The following FAM13C variants were observed in gnomAD, a reference collection of about 807,000 sequenced individuals.
The protein encoded by FAM13C is protein FAM13C.
A neutral mutation model predicts 73.2 loss-of-function variants in FAM13C; 37 were observed. The ratio of observed to expected loss-of-function variants is 0.51; its 90% confidence interval spans 0.39 to 0.67. FAM13C has a LOEUF of 0.67. Ranked by LOEUF, FAM13C falls within the 30% of genes least tolerant of loss-of-function variation. The pLI is 0.00. For missense variants in FAM13C, 589 were observed against 715.6 expected (o/e 0.82, Z 2.02); for synonymous variants, 246 against 260.9 (o/e 0.94, Z 0.55).
rs1418314118 is a variant in FAM13C at position 59,338,542 on chromosome 10, T to C, written c.324+13728A>G. Among the ~76,000 whole-genome samples, 19 of 152,342 alleles carry C rather than the reference T, an allele frequency of 1.2e-4. No homozygotes were observed. The East Asian group carries it at 3.7e-3, about 29-fold the overall frequency. The stretch of plus-strand genomic sequence containing the variant: ...CATCCTGCACAAAGCGTCAACTACA[T>C]TTATGATTTTGAGAAAGTCAGGCCG... On this transcript the variant is annotated intron_variant, in intron 3 of 13. Transcript: ENST00000618804.
rs74150877 is a variant in FAM13C at position 59,356,541 on chromosome 10, C to T, written c.63-598G>A. ...TTCGCTCTAGTATATAGGATGAAGC[C>T]TTTGTTCCTGTTCCCAACCATTCCC... On this transcript the variant is annotated intron_variant, in intron 1 of 13. Transcript: ENST00000618804. 3.7e-3 allele frequency among the ~76,000 whole-genome samples: 556 copies of T among 152,198 alleles called. 3 individuals carry two copies. The highest frequency in any genetic ancestry group is 0.012 in the African/African-American group (511 of 41,494).
In FAM13C at chr10:59,283,423, C is replaced by T. The variant is rs752489782; in HGVS notation, c.532G>A (p.Val178Ile). The T allele has an allele frequency of 1.1e-5, 17 of 1,614,106 alleles. No individual in the cohort carries two copies. The highest frequency in any genetic ancestry group is 1.3e-5 in the African/African-American group (1 of 74,946). The change falls in exon 6 of 14, where the codon GTC becomes ATC. Residue 178 changes from valine (V) to isoleucine (I), a missense_variant. Val to Ile is a conservative substitution (Grantham distance 29). Coordinates refer to ENST00000618804, the MANE Select transcript of FAM13C (RefSeq NM_198215.4). The part of the protein sequence containing the change: ...NEEEAAQVHG[V>I]KDPAPASTQS... ...GTTGATGCTGGCGCCGGGTCCTTGA[C>T]TCCATGCACCTGAGCAGCTTCTTCC...
intron 3 of FAM13C, among the ~76,000 whole-genome samples, chr10:59,325,896 C>T (rs1851046567): frequency 6.6e-6 from 1 of 152,026 alleles, no homozygotes; most frequent in Admixed American, 6.6e-5. Context: ...CATTTCTATA[C>T]TAATAGCAAT....
At chr10:59,300,593 T>C (rs1424799013) in intron 5 of FAM13C, 2 of 152,016 alleles carry the variant, frequency 1.3e-5, no homozygotes, top group Non-Finnish European at 2.9e-5. Context: ...CTCATAGTAA[T>C]AAAGATATAT....
intron 6 of FAM13C, among the ~76,000 whole-genome samples, chr10:59,276,161 AT>A (rs1844300956): frequency 6.6e-6 from 1 of 152,150 alleles, no homozygotes; most frequent in South Asian, 2.1e-4. Flanking sequence ...AGCTCTATAG[AT>A]TATTGCTGTT....
chr10:59,362,621 G>T, upstream of FAM13C: 1 of 1,443,114 alleles, frequency 6.9e-7, no homozygotes, highest in African/African-American at 1.4e-5. Flanking sequence ...CCCCAGCAGG[G>T]GCCCAGCGGC....
intron 8 of FAM13C, among the ~76,000 whole-genome samples, chr10:59,265,311 AGGGGTTTT>A (rs1842912246): frequency 1.2e-4 from 1 of 8,328 alleles, no homozygotes; most frequent in African/African-American, 6.3e-4. Context: ...GGGATAGGGA[AGGGGTTTT>A]GGCGGGGGGG....
chr10:59,325,522 C>T (rs534435395), intron 3 of FAM13C, among the ~76,000 whole-genome samples: 18 of 152,268 alleles, frequency 1.2e-4, no homozygotes, highest in African/African-American at 4.3e-4. Flanking sequence ...CCCTAGACTT[C>T]GTAGTTGCTT....
intron 3 of FAM13C, among the ~76,000 whole-genome samples, chr10:59,339,803 T>C (rs1853256282): frequency 1.3e-5 from 2 of 152,174 alleles, no homozygotes; most frequent in Non-Finnish European, 2.9e-5. Flanking sequence ...ATAGGGCAGG[T>C]TGTTTTCAAA....
chr10:59,332,289 T>A (rs549594699), intron 3 of FAM13C, among the ~76,000 whole-genome samples: 16 of 152,082 alleles, frequency 1.1e-4, no homozygotes, highest in Non-Finnish European at 2.4e-4. Flanking sequence ...TTTTTTTATG[T>A]GGGATATGTT....
rs763203613 is a variant in FAM13C, at chr10:59,283,419, T to C, written c.536A>G (p.Lys179Arg). 1.2e-6 allele frequency: 2 copies of C among 1,614,226 alleles called. No individual in the cohort carries two copies. The highest frequency in any genetic ancestry group is 2.2e-5 in the South Asian group (2 of 91,084). Residue 179 changes from lysine to arginine, a missense_variant, in exon 6 of 14, where the codon AAG (lysine) becomes AGG (arginine). Physicochemically the swap from Lys to Arg is conservative, Grantham distance 26. Coordinates refer to ENST00000618804, the MANE Select transcript of FAM13C (RefSeq NM_198215.4). The part of the protein sequence containing the change: ...EEEAAQVHGV[K>R]DPAPASTQSV... ...CTGGGTTGATGCTGGCGCCGGGTCC[T>C]TGACTCCATGCACCTGAGCAGCTTC...
chr10:59,263,815 C>T (rs758579811), intron 9 of FAM13C: 2 of 436,696 alleles, frequency 4.6e-6, no homozygotes, highest in Non-Finnish European at 8.5e-6. Context: ...GAGGTTAGTG[C>T]TCCACATGTT....
intron 1 of FAM13C, among the ~76,000 whole-genome samples, chr10:59,360,317 C>G (rs1459999): frequency 5.3e-5 from 8 of 152,264 alleles, no homozygotes; most frequent in Non-Finnish European, 1.2e-4. Context: ...GAAATCATCT[C>G]TAGGTGAAAT....
At chr10:59,309,137 C>T (rs75396821) in intron 4 of FAM13C, among the ~76,000 whole-genome samples, 5,589 of 152,226 alleles carry the variant, frequency 0.037, 331 homozygotes, top group African/African-American at 0.13. Context: ...AGCTATCTAA[C>T]GCTTTTCTTT....
chr10:59,287,906 A>AC (rs1845790331), intron 5 of FAM13C, among the ~76,000 whole-genome samples: 1 of 152,024 alleles, frequency 6.6e-6, no homozygotes, highest in East Asian at 1.9e-4. Flanking sequence ...TCATCACTTT[A>AC]CCCCCCAGGG....
At chr10:59,326,345 G>C (rs1221748728) in intron 3 of FAM13C, among the ~76,000 whole-genome samples, 1 of 152,090 alleles carries the variant, frequency 6.6e-6, no homozygotes, top group Non-Finnish European at 1.5e-5. Context: ...TCCCCACCAA[G>C]AATTTCAAAC....
At chr10:59,294,626 TG>T (rs1461884455) in intron 5 of FAM13C, among the ~76,000 whole-genome samples, 1 of 152,172 alleles carries the variant, frequency 6.6e-6, no homozygotes, top group Non-Finnish European at 1.5e-5. Flanking sequence ...ATCTGAACAA[TG>T]GGGCAGAATA....
At chr10:59,304,577 AAC>A (rs1847979675) in intron 4 of FAM13C, among the ~76,000 whole-genome samples, 1 of 151,884 alleles carries the variant, frequency 6.6e-6, no homozygotes, top group African/African-American at 2.4e-5. Flanking sequence ...AGAGGGGGAC[AAC>A]ACACACTGGG....
chr10:59,337,830 C>G (rs964599240), intron 3 of FAM13C, among the ~76,000 whole-genome samples: 9 of 151,850 alleles, frequency 5.9e-5, no homozygotes, highest in African/African-American at 1.9e-4. Flanking sequence ...CAGGCACCTG[C>G]CACCATGCCT....
Sources: allele counts gnomAD v4.1 joint callset (sites outside exome capture counted in the v4.1 genomes callset), GRCh38; gene constraint gnomAD v4.1.1; transcripts MANE v1.5; gene names NCBI Gene and HGNC (gene_info 2026-07-23, HGNC 2026-07-21).